Variants in DAND5 observed in about 807,000 individuals in gnomAD.
DAND5 encodes DAN domain BMP antagonist family member 5.
In DAND5, 8 loss-of-function variants were observed where a neutral mutation model predicts 9.2. The observed-to-expected ratio is 0.87, with a 90% CI of 0.51 to 1.56. DAND5 has a LOEUF of 1.56. DAND5 is among the 40% of genes most tolerant of loss of function. The probability of loss-of-function intolerance (pLI) is 0.00; values close to 1 mark genes in which losing one functional copy is unlikely to be tolerated. For missense variants in DAND5, 244 were observed against 244.7 expected (o/e 1.00, Z 0.02); for synonymous variants, 95 against 101.1 (o/e 0.94, Z 0.36).
At chr19:12,973,073 A>G (rs1056404190) in intron 1 of DAND5, among the ~76,000 whole-genome samples, 18 of 151,170 alleles carry the variant, frequency 1.2e-4, no homozygotes, top group South Asian at 2.1e-4. Context: ...CGTGTTGGCC[A>G]GGATGGTCTC....
At position 12,973,371 on chromosome 19, in the gene DAND5, C is replaced by T. The variant is rs748975379; in HGVS notation, c.325-18C>T. The T allele has an allele frequency of 6.2e-7, 1 of 1,612,586 alleles. No homozygotes were observed. Among genetic ancestry groups the T allele is most frequent in the South Asian group, 1.1e-5 (1 of 90,840 alleles). On this transcript the variant is annotated intron_variant, in intron 1 of 1. Coordinates refer to ENST00000317060, the MANE Select transcript of DAND5 (RefSeq NM_152654.3). ...CCAAACTCCGCCACCCTGACCGTCT[C>T]CATGCCTCCGGCCCCAGGTGTTCTC...
Position 12,973,489 on chromosome 19 carries a change from T to C in DAND5, c.425T>C (p.Leu142Pro), listed in dbSNP as rs781603124. Residue 142 changes from leucine (L) to proline (P), a missense_variant, in exon 2 of 2, where the codon CTA (leucine) becomes CCA (proline). Leu to Pro is a moderately conservative substitution (Grantham distance 98). Coordinates refer to ENST00000317060, the MANE Select transcript of DAND5 (RefSeq NM_152654.3). ...ATCCCTGGCTCGGACCCCACCCCAC[T>C]AGTCCTGTGCAACAGCTGTATGCCT... ...LYIPGSDPTP[L>P]VLCNSCMPAR... 6.2e-7 allele frequency: 1 copy of C among 1,614,156 alleles called. No homozygotes were observed.
Position 12,973,970 on chromosome 19 carries a change from C to T in DAND5, c.*336C>T, listed in dbSNP as rs143261407. On this transcript the variant is annotated 3_prime_UTR_variant, in exon 2 of 2. Transcript: ENST00000317060. ...CTCCACCTCCCGGGTTTATGCCATT[C>T]TCCTGTCTCAGCCTCCCGAGTAGCT... is the stretch of plus-strand genomic sequence containing the variant. 7.2e-3 allele frequency: 1,749 copies of T among 242,550 alleles called. 31 individuals are homozygous for T. The highest frequency in any genetic ancestry group is 0.036 in the African/African-American group (1,616 of 44,334). The allele number at this position is 242,550 out of a possible 1,614,324, so 15.0% of individuals were successfully genotyped here.
At position 12,969,910 on chromosome 19, in the gene DAND5, G is replaced by A; in HGVS notation, c.250G>A (p.Val84Met). ...MGRLQRGQDEVAAVTLPLNPQ... is the reference protein window; with the variant it reads ...MGRLQRGQDEMAAVTLPLNPQ... ...CAGGCTGCAGCGTGGGCAAGACGAGGTGGCTGCTGTGACTCTGCCGCTGAA... is the reference window on the plus strand; with the variant it reads ...CAGGCTGCAGCGTGGGCAAGACGAGATGGCTGCTGTGACTCTGCCGCTGAA... The change falls in exon 1 of 2, where the codon GTG becomes ATG. Residue 84 changes from valine to methionine, a missense_variant. Val to Met is a conservative substitution (Grantham distance 21, BLOSUM62 1). Coordinates refer to ENST00000317060, the MANE Select transcript of DAND5 (RefSeq NM_152654.3). 6.2e-7 allele frequency: 1 copy of A among 1,614,206 alleles called. No homozygotes were observed. The highest frequency in any genetic ancestry group is 8.5e-7 in the Non-Finnish European group (1 of 1,180,030).
intron 1 of DAND5, among the ~76,000 whole-genome samples, chr19:12,971,150 G>A (rs902637003): frequency 1.3e-5 from 2 of 152,226 alleles, no homozygotes; most frequent in East Asian, 1.9e-4. Context: ...GGATGCTTCC[G>A]GGCTCCTGTG....
In DAND5 at chr19:12,973,314, G is replaced by A. The variant is rs111926934; in HGVS notation, c.325-75G>A. 9,492 of 1,555,506 alleles carry A rather than the reference G, an allele frequency of 6.1e-3. 483 individuals carry two copies. In the African/African-American group the frequency reaches 0.11, roughly 19 times the overall value. On this transcript the variant is annotated intron_variant, in intron 1 of 1. Transcript: ENST00000317060. ...CCATGCCTGTCAAGGTGGGGTGGAA[G>A]TGGACAGGTGATTATCCTCGCCACT...
chr19:12,973,429 A>C lies in DAND5; in HGVS notation c.365A>C (p.Asn122Thr), dbSNP rs958193268. 1.2e-6 allele frequency: 2 copies of C among 1,613,858 alleles called. No individual in the cohort carries two copies. ...GGCTGCTCAGCCATACGCCTCCGAA[A>C]TCATCTGTGCTTTGGTCATTGCTCC... ...RPGCSAIRLRNHLCFGHCSSL... is the reference protein window; with the variant it reads ...RPGCSAIRLRTHLCFGHCSSL... Residue 122 changes from asparagine (N) to threonine (T), a missense_variant, in exon 2 of 2, where the codon AAT (asparagine) becomes ACT (threonine). By Grantham distance (65) the Asn-to-Thr change is moderately conservative (BLOSUM62 0). Transcript: ENST00000317060.
chr19:12,972,064 T>A (rs1178445428), intron 1 of DAND5, among the ~76,000 whole-genome samples: 1 of 150,476 alleles, frequency 6.6e-6, no homozygotes, highest in Non-Finnish European at 1.5e-5. Flanking sequence ...TAATATTTTT[T>A]TTTTTTTTTT....
chr19:12,973,086 T>G (rs971664703), intron 1 of DAND5, among the ~76,000 whole-genome samples: 13 of 151,966 alleles, frequency 8.6e-5, no homozygotes, highest in African/African-American at 2.4e-4. Context: ...ATGGTCTCGA[T>G]CTGCTGACCT....
intron 1 of DAND5, among the ~76,000 whole-genome samples, chr19:12,970,911 C>T (rs576256236): frequency 6.6e-6 from 1 of 152,190 alleles, no homozygotes; most frequent in Non-Finnish European, 1.5e-5. Flanking sequence ...GAACTCCTGA[C>T]CTCAGGTGAC....
In DAND5 at chr19:12,973,863, C is replaced by CTT. The variant is rs113289497; in HGVS notation, c.*245_*246dup. The stretch of plus-strand genomic sequence containing the variant: ...ACAGCACACAATGATTGACAACTCA[C>CTT]TTTTTTTTTTTTTTTTTGAGATGGA... On this transcript the variant is annotated 3_prime_UTR_variant, in exon 2 of 2. Coordinates refer to ENST00000317060, the MANE Select transcript of DAND5 (RefSeq NM_152654.3). 3,094 of 346,242 alleles carry CTT rather than the reference C, an allele frequency of 8.9e-3. No homozygotes were observed. The highest frequency in any genetic ancestry group is 0.012 in the South Asian group (318 of 27,144). 21.4% of individuals were successfully genotyped at this position (346,242 alleles called of 1,614,324 possible).
chr19:12,970,639 C>CTT (rs59091638), intron 1 of DAND5: 1 of 458,288 alleles, frequency 2.2e-6, no homozygotes, highest in African/African-American at 2.2e-5. Context: ...TTCTTTTTTT[C>CTT]TCTTTCTTTC....
intron 1 of DAND5, chr19:12,970,623 TTG>T (rs2011141808): frequency 2.1e-6 from 1 of 476,340 alleles, no homozygotes; most frequent in African/African-American, 2.1e-5. Context: ...TTTTCTTTCT[TTG>T]TTTTTCTTTT....
Position 12,973,668 on chromosome 19 carries a change from C to G in DAND5, c.*34C>G, listed in dbSNP as rs923669240. On this transcript the variant is annotated 3_prime_UTR_variant, in exon 2 of 2. Coordinates refer to ENST00000317060, the MANE Select transcript of DAND5 (RefSeq NM_152654.3). ...TCGTGGATGGGTGCACGGAGACACG[C>G]ACCTTGGAGAAATGAGGGGAGATGG... 1 of 1,597,848 alleles carries G rather than the reference C, an allele frequency of 6.3e-7. No homozygotes were observed. Among genetic ancestry groups the G allele is most frequent in the African/African-American group, 1.3e-5 (1 of 74,664 alleles).
chr19:12,972,955 T>TA (rs545205919), intron 1 of DAND5, among the ~76,000 whole-genome samples: 19 of 146,896 alleles, frequency 1.3e-4, no homozygotes, highest in Non-Finnish European at 2.4e-4. Flanking sequence ...CTCCGCCTCC[T>TA]GGGTTCACAC....
At chr19:12,971,240 G>A (rs2011144227) in intron 1 of DAND5, among the ~76,000 whole-genome samples, 1 of 151,772 alleles carries the variant, frequency 6.6e-6, no homozygotes, top group Admixed American at 6.6e-5. Context: ...ATCATATCCT[G>A]CTTGGCTTTT....
Position 12,969,726 on chromosome 19 carries a change from G to A in DAND5, c.66G>A (p.Gly22=). 6.2e-7 allele frequency: 1 copy of A among 1,603,024 alleles called. No homozygotes were observed. The highest frequency in any genetic ancestry group is 1.1e-5 in the South Asian group (1 of 89,240). Residue 22 remains glycine (G), a synonymous_variant, in exon 1 of 2, where the codon GGG becomes GGA. Transcript: ENST00000317060. The part of the protein sequence containing the change: ...LLSGALPTGS[G]RPEPQSPRPQ... ...GCGGGGCCCTGCCTACAGGCTCAGG[G>A]AGGCCTGAACCCCAGTCTCCTCGAC... is the stretch of plus-strand genomic sequence containing the variant.
chr19:12,970,937 C>T (rs1449535588), intron 1 of DAND5, among the ~76,000 whole-genome samples: 1 of 152,112 alleles, frequency 6.6e-6, no homozygotes, highest in Non-Finnish European at 1.5e-5. Flanking sequence ...TGCCTCGGCC[C>T]CCCAAGTGCT....
chr19:12,970,114 TC>T, intron 1 of DAND5, 130 bp downstream of exon 1: 1 of 1,160,628 alleles, frequency 8.6e-7, no homozygotes, highest in Non-Finnish European at 1.2e-6. Flanking sequence ...CTCAGTTTCC[TC>T]CCTTGTAAAA....
Sources: gnomAD v4.1 joint callset for allele counts (sites outside exome capture counted in the v4.1 genomes callset) on GRCh38, gnomAD v4.1.1 for gene constraint, MANE v1.5 for transcripts, NCBI Gene and HGNC (gene_info 2026-07-23, HGNC 2026-07-21) for gene names.